Variants in PDE4D observed in about 807,000 individuals in gnomAD.
PDE4D encodes the protein 3',5'-cyclic-AMP phosphodiesterase 4D.
PDE4D carries 24 observed loss-of-function variants against 87.4 expected under a neutral mutation model. The ratio of observed to expected loss-of-function variants is 0.27; its 90% CI spans 0.20 to 0.39. PDE4D has a LOEUF of 0.39. PDE4D is among the 10% of genes least tolerant of loss of function. PDE4D has a pLI of 1.00. For synonymous variants in PDE4D, 384 were observed against 383.2 expected (o/e 1.00, Z -0.02); for missense variants, 714 against 1,041.0 (o/e 0.69, Z 4.32).
chr5:59,094,353 A>T (rs770261805), intron 5 of PDE4D, among the ~76,000 whole-genome samples: 2 of 151,858 alleles, frequency 1.3e-5, no homozygotes, highest in African/African-American at 2.4e-5. Flanking sequence ...TAGAAGACCA[A>T]AAAACAAAAA....
intron 2 of PDE4D, among the ~76,000 whole-genome samples, chr5:60,006,387 T>A (rs919348177): frequency 6.6e-6 from 1 of 151,798 alleles, no homozygotes; most frequent in Non-Finnish European, 1.5e-5. Flanking sequence ...ATAATAATTT[T>A]CTCCTTTAGT....
chr5:60,329,664 T>C (rs1339842420), intron 1 of PDE4D, among the ~76,000 whole-genome samples: 2 of 152,086 alleles, frequency 1.3e-5, no homozygotes, highest in African/African-American at 4.8e-5. Flanking sequence ...GGTAAAGAAA[T>C]TGTAATAACT....
chr5:59,398,643 T>A, intron 1 of PDE4D, among the ~76,000 whole-genome samples: 1 of 116,440 alleles, frequency 8.6e-6, no homozygotes, highest in Admixed American at 8.3e-5. Flanking sequence ...GGGCAAAAAC[T>A]GGAAGCATTC....
At chr5:59,047,316 G>T (rs1278912228) in intron 5 of PDE4D, among the ~76,000 whole-genome samples, 1 of 152,226 alleles carries the variant, frequency 6.6e-6, no homozygotes, top group Non-Finnish European at 1.5e-5. Context: ...TTCTGAAGAA[G>T]TTCACTTAGA....
chr5:60,057,522 G>C (rs1172772389), intron 2 of PDE4D, among the ~76,000 whole-genome samples: 1 of 151,804 alleles, frequency 6.6e-6, no homozygotes, highest in Non-Finnish European at 1.5e-5. Flanking sequence ...TCTGTCCCCA[G>C]CCCTGTAGAA....
At chr5:60,149,998 GTA>G (rs1781361748) in intron 2 of PDE4D, among the ~76,000 whole-genome samples, 1 of 144,946 alleles carries the variant, frequency 6.9e-6, no homozygotes, top group African/African-American at 2.5e-5. Context: ...ATACATATGT[GTA>G]TATAATTATA....
chr5:59,002,635 C>G (rs773051893), intron 6 of PDE4D, among the ~76,000 whole-genome samples: 18 of 152,230 alleles, frequency 1.2e-4, no homozygotes, highest in African/African-American at 3.1e-4. Flanking sequence ...GCCAGCCACC[C>G]CAGCCCAGAG....
At chr5:60,028,937 C>T (rs926970079) in intron 2 of PDE4D, among the ~76,000 whole-genome samples, 1 of 152,186 alleles carries the variant, frequency 6.6e-6, no homozygotes, top group African/African-American at 2.4e-5. Context: ...TCCTCTTAAA[C>T]ATTTATGATG....
intron 1 of PDE4D, among the ~76,000 whole-genome samples, chr5:59,571,050 T>C (rs991277840): frequency 3.9e-5 from 6 of 152,212 alleles, no homozygotes; most frequent in African/African-American, 1.2e-4. Context: ...CACCATAACA[T>C]GTGTAACATA....
At chr5:59,951,437 C>T (rs1347453045) in intron 3 of PDE4D, among the ~76,000 whole-genome samples, 1 of 152,128 alleles carries the variant, frequency 6.6e-6, no homozygotes. Context: ...ACCATCATTT[C>T]CTCTTAAAAA....
In PDE4D at chr5:59,981,077, C is replaced by A. The variant is rs189970637; in HGVS notation, c.272+7411G>T. 7.3e-3 allele frequency among the ~76,000 whole-genome samples: 1,114 copies of A among 152,096 alleles called. 19 individuals are homozygous for A. The highest frequency in any genetic ancestry group is 0.025 in the African/African-American group (1,049 of 41,468). ...GAACAGCCTGGCCAACATGGCAAAACCCCATTTCTACTAAAAATACAAAAA... is the reference window on the plus strand; with the variant it reads ...GAACAGCCTGGCCAACATGGCAAAAACCCATTTCTACTAAAAATACAAAAA... On this transcript the variant is annotated intron_variant, in intron 3 of 16. Coordinates refer to the PDE4D transcript ENST00000502484.
chr5:59,032,801 T>C (rs1159131997), intron 6 of PDE4D, among the ~76,000 whole-genome samples: 8 of 152,152 alleles, frequency 5.3e-5, no homozygotes, highest in Admixed American at 5.2e-4. Context: ...TTTACATACA[T>C]TATAGCTAAT....
Position 59,315,058 on chromosome 5 carries a change from T to C in PDE4D, c.456-99090A>G, listed in dbSNP as rs960556451. Among the ~76,000 whole-genome samples, 57 of 152,184 alleles carry C rather than the reference T, an allele frequency of 3.7e-4. 1 individual carries two copies. The highest frequency in any genetic ancestry group is 1.4e-3 in the African/African-American group (57 of 41,438). ...GGGGCTTGGAATCCAATCTGTGAGA[T>C]GGGAGCCTGCTGGCAGAAACCCCTC... On this transcript the variant is annotated intron_variant, in intron 1 of 14. Transcript: ENST00000340635.
intron 1 of PDE4D, among the ~76,000 whole-genome samples, chr5:60,224,116 T>C (rs1458551156): frequency 6.6e-6 from 1 of 152,110 alleles, no homozygotes; most frequent in South Asian, 2.1e-4. Flanking sequence ...GAATGAGTTT[T>C]CCTGTTCAAA....
In PDE4D at chr5:60,334,929, ACC is replaced by A. The variant is rs533840087; in HGVS notation, c.-89-149244_-89-149243del. ...AATTTTTTAATGGATTCCATTTACA[ACC>A]TAATGATAGTCTGAAAACAGCTGAA... On this transcript the variant is annotated intron_variant, in intron 1 of 16. Coordinates refer to the PDE4D transcript ENST00000502484. Among the ~76,000 whole-genome samples the A allele has an allele frequency of 6.6e-5, 10 of 152,210 alleles. No individual in the cohort carries two copies. The East Asian group carries it at 1.9e-3, about 29-fold the overall frequency.
chr5:59,699,872 A>T (rs1244403938), intron 1 of PDE4D, among the ~76,000 whole-genome samples: 1 of 152,178 alleles, frequency 6.6e-6, no homozygotes, highest in Admixed American at 6.6e-5. Context: ...CATTTCAGTC[A>T]CCATCTACTA....
intron 1 of PDE4D, among the ~76,000 whole-genome samples, chr5:59,582,492 C>G (rs1824348718): frequency 1.3e-5 from 2 of 152,028 alleles, no homozygotes; most frequent in Non-Finnish European, 2.9e-5. Flanking sequence ...AATACGTATT[C>G]ATTATATTAG....
chr5:59,489,071 G>A (rs898772183), intron 1 of PDE4D, among the ~76,000 whole-genome samples: 9 of 151,842 alleles, frequency 5.9e-5, no homozygotes, highest in Non-Finnish European at 1.0e-4. Flanking sequence ...CGGATCACGC[G>A]GTCAAGAGAT....
chr5:60,094,759 C>T (rs1250679764), intron 2 of PDE4D, among the ~76,000 whole-genome samples: 2 of 152,110 alleles, frequency 1.3e-5, no homozygotes, highest in Non-Finnish European at 1.5e-5. Context: ...AAGGAATCAA[C>T]GCTACTGGCA....
Sources: allele counts gnomAD v4.1 joint callset (sites outside exome capture counted in the v4.1 genomes callset), GRCh38; gene constraint gnomAD v4.1.1; transcripts MANE v1.5; gene names NCBI Gene and HGNC (gene_info 2026-07-23, HGNC 2026-07-21).